The following HECW2 variants were observed in gnomAD, a reference collection of about 807,000 sequenced individuals.
HECW2 encodes the protein HECT, C2 and WW domain containing E3 ubiquitin protein ligase 2.
HECW2 carries 61 observed loss-of-function variants against 175.2 expected under a neutral mutation model. The observed-to-expected ratio is 0.35, with a 90% CI of 0.28 to 0.43. HECW2 has a LOEUF of 0.43. Among genes scored for constraint, HECW2 ranks in the 20% least tolerant of loss-of-function variants. HECW2 has a pLI of 1.00. For synonymous variants in HECW2, 671 were observed against 731.0 expected (o/e 0.92, Z 1.32); for missense variants, 1,524 against 2,000.5 (o/e 0.76, Z 4.54).
At chr2:196,309,396 C>CT (rs1176139782) in intron 10 of HECW2, among the ~76,000 whole-genome samples, 5 of 152,240 alleles carry the variant, frequency 3.3e-5, no homozygotes, top group Non-Finnish European at 7.3e-5. Flanking sequence ...AACACAGACT[C>CT]TACCATGAAA....
intron 1 of HECW2, among the ~76,000 whole-genome samples, chr2:196,543,325 A>T (rs1245645207): frequency 3.3e-5 from 5 of 151,566 alleles, no homozygotes; most frequent in African/African-American, 4.8e-5. Flanking sequence ...TAAAAAAAAA[A>T]AATGTTCTGT....
Position 196,592,975 on chromosome 2 carries a change from C to G in HECW2, c.-36+533G>C, listed in dbSNP as rs1384724144. On this transcript the variant is annotated intron_variant, in intron 1 of 28. Coordinates refer to ENST00000644978, the MANE Select transcript of HECW2 (RefSeq NM_001348768.2). ...CGGCCGCTGCCACGGAGCCGAGAGT[C>G]TCTGCGCTGCAGTCCCCGACCCCGA... Among the ~76,000 whole-genome samples the G allele has an allele frequency of 2.0e-5, 3 of 151,836 alleles. No homozygotes were observed. The East Asian group carries it at 5.8e-4, about 29-fold the overall frequency.
intron 1 of HECW2, among the ~76,000 whole-genome samples, chr2:196,588,658 A>G (rs1165922312): frequency 2.0e-5 from 3 of 152,220 alleles, no homozygotes; most frequent in Non-Finnish European, 4.4e-5. Flanking sequence ...CATACATTGC[A>G]TACACACACA....
At position 196,278,617 on chromosome 2, in the gene HECW2, G is replaced by C; in HGVS notation, c.3046C>G (p.Pro1016Ala). The C allele has an allele frequency of 6.2e-7, 1 of 1,614,018 alleles. No homozygotes were observed. The highest frequency in any genetic ancestry group is 8.5e-7 in the Non-Finnish European group (1 of 1,179,974). Residue 1016 changes from proline to alanine, a missense_variant, in exon 15 of 29, where the codon CCC (proline) becomes GCC (alanine). Pro to Ala is a conservative substitution (Grantham distance 27). Coordinates refer to ENST00000644978, the MANE Select transcript of HECW2 (RefSeq NM_001348768.2). Reference protein sequence around the residue: ...HNSRTTTFIDPRLPLQSSRPT... With the variant: ...HNSRTTTFIDARLPLQSSRPT... ...CTACTGCTCTGAAGTGGGAGCCGGGGATCAATGAAAGTGGTGGTGCGGGAG... is the reference window on the plus strand; with the variant it reads ...CTACTGCTCTGAAGTGGGAGCCGGGCATCAATGAAAGTGGTGGTGCGGGAG...
rs1164896449 is a variant in HECW2 at position 196,323,913 on chromosome 2, TTG to T, written c.741+1065_741+1066del. ...TGCCCTTAAGAGTTTTTTTTGTTTTTTGTTTGTTTTTTTTTTTTTTTTTTACC... is the reference window on the plus strand; with the variant it reads ...TGCCCTTAAGAGTTTTTTTTGTTTTTTTTGTTTTTTTTTTTTTTTTTTACC... On this transcript the variant is annotated intron_variant, in intron 6 of 28. Coordinates refer to ENST00000644978, the MANE Select transcript of HECW2 (RefSeq NM_001348768.2). Among the ~76,000 whole-genome samples, 102 of 86,936 alleles carry T rather than the reference TTG, an allele frequency of 1.2e-3. 1 individual carries two copies. Among genetic ancestry groups the T allele is most frequent in the African/African-American group, 6.1e-3 (100 of 16,434 alleles). 57.0% of individuals were successfully genotyped at this position (86,936 alleles called of 152,430 possible). A position where few individuals can be genotyped will look rare whatever the true frequency, so the allele number is the denominator to read the frequency against.
At chr2:196,320,766 G>C (rs367547325) in intron 7 of HECW2, among the ~76,000 whole-genome samples, 12 of 152,334 alleles carry the variant, frequency 7.9e-5, no homozygotes, top group African/African-American at 2.9e-4. Context: ...CATTTTGAAG[G>C]TCATAAAGGA....
In HECW2 at chr2:196,318,725, G is replaced by A. The variant is rs148355984; in HGVS notation, c.2165C>T (p.Ala722Val). 5.6e-5 allele frequency: 86 copies of A among 1,547,374 alleles called. No individual in the cohort carries two copies. Among genetic ancestry groups the A allele is most frequent in the Middle Eastern group, 1.7e-4 (1 of 5,776 alleles). ...VPSGEDEGPG[A>V]ESATVPDQEE... ...CTGGTCAGGTACAGTGGCCGATTCT[G>A]CCCCTGGCCCTTCATCCTCCCCACT... Residue 722 changes from alanine to valine, a missense_variant, in exon 9 of 29, where the codon GCA (alanine) becomes GTA (valine). This residue lies in a region of HECW2 where 604 missense variants were observed against 588.3 expected (regional missense o/e 1.03). Coordinates refer to ENST00000644978, the MANE Select transcript of HECW2 (RefSeq NM_001348768.2).
chr2:196,309,202 T>C (rs1368108845), intron 10 of HECW2, among the ~76,000 whole-genome samples: 1 of 152,174 alleles, frequency 6.6e-6, no homozygotes, highest in Non-Finnish European at 1.5e-5. Flanking sequence ...AAGACCTGCA[T>C]GGTAGAGCTC....
intron 28 of HECW2, among the ~76,000 whole-genome samples, chr2:196,207,918 AT>A (rs1361771402): frequency 6.6e-6 from 1 of 152,254 alleles, no homozygotes; most frequent in African/African-American, 2.4e-5. Context: ...CAAACTATGC[AT>A]TCTGAGCAGG....
rs564749845 is a variant in HECW2, at chr2:196,537,217, T to A, written c.-36+56291A>T. ...CACTACAATAGAGTTTCCAGGAAAA[T>A]GTGCTCCTAGACATAAACAGAAAAC... On this transcript the variant is annotated intron_variant, in intron 1 of 28. Transcript: ENST00000644978. 1.6e-4 allele frequency among the ~76,000 whole-genome samples: 25 copies of A among 151,864 alleles called. No individual in the cohort carries two copies. The South Asian group carries it at 5.2e-3, about 32-fold the overall frequency.
chr2:196,418,796 C>T (rs1317826137), intron 2 of HECW2, among the ~76,000 whole-genome samples: 1 of 152,036 alleles, frequency 6.6e-6, no homozygotes, highest in East Asian at 1.9e-4. Context: ...TTAGGAAAAA[C>T]CTGCAATGAT....
intron 3 of HECW2, among the ~76,000 whole-genome samples, chr2:196,340,590 C>T (rs907230701): frequency 1.2e-5 from 1 of 82,108 alleles, no homozygotes; most frequent in East Asian, 3.2e-4. Flanking sequence ...AGCAAGACTC[C>T]GTCTCAAAAA....
chr2:196,231,649 C>G lies in HECW2; in HGVS notation c.3765-3395G>C, dbSNP rs552009403. 2.6e-4 allele frequency among the ~76,000 whole-genome samples: 40 copies of G among 152,260 alleles called. 1 individual carries two copies. In the South Asian group the frequency reaches 8.3e-3, roughly 32 times the overall value. On this transcript the variant is annotated intron_variant, in intron 21 of 28. Coordinates refer to ENST00000644978, the MANE Select transcript of HECW2 (RefSeq NM_001348768.2). ...CTTTACAGGAAAATTTTGCTAACCT[C>G]TGTTACAAAAGAAAGAAAATAGGAG...
At chr2:196,518,518 T>C (rs1688229552) in intron 1 of HECW2, among the ~76,000 whole-genome samples, 1 of 151,814 alleles carries the variant, frequency 6.6e-6, no homozygotes, top group Admixed American at 6.6e-5. Flanking sequence ...TAGCCGGGCA[T>C]GGTGGCAGTG....
intron 22 of HECW2, among the ~76,000 whole-genome samples, chr2:196,226,766 A>G (rs1294645216): frequency 1.3e-5 from 2 of 152,144 alleles, no homozygotes; most frequent in Non-Finnish European, 2.9e-5. Context: ...TCCTATCCCT[A>G]TTCTCTCTCA....
At chr2:196,366,981 T>C (rs916322586) in intron 2 of HECW2, among the ~76,000 whole-genome samples, 5 of 152,236 alleles carry the variant, frequency 3.3e-5, no homozygotes, top group African/African-American at 7.2e-5. Context: ...AATTATTTTA[T>C]CTGTGTATAT....
At chr2:196,376,772 A>G (rs1434798632) in intron 2 of HECW2, among the ~76,000 whole-genome samples, 1 of 152,022 alleles carries the variant, frequency 6.6e-6, no homozygotes, top group Non-Finnish European at 1.5e-5. Flanking sequence ...CGTCTCTACT[A>G]AAAATACAAA....
At chr2:196,338,466 T>A (rs1171189840) in intron 3 of HECW2, among the ~76,000 whole-genome samples, 1 of 152,238 alleles carries the variant, frequency 6.6e-6, no homozygotes, top group Non-Finnish European at 1.5e-5. Context: ...AAATTATTTT[T>A]TAGAAAAGCA....
chr2:196,391,615 C>T (rs1694512986), intron 2 of HECW2, among the ~76,000 whole-genome samples: 1 of 152,116 alleles, frequency 6.6e-6, no homozygotes. Context: ...TTCTCTCATG[C>T]TGTGCTTAAC....
Sources: allele counts gnomAD v4.1 joint callset (sites outside exome capture counted in the v4.1 genomes callset), GRCh38; gene constraint gnomAD v4.1.1; regional missense constraint gnomAD v4.1.1; transcripts MANE v1.5; gene names NCBI Gene and HGNC (gene_info 2026-07-23, HGNC 2026-07-21).